ADAMTSL1: variants seen among roughly 807,000 people sequenced by gnomAD.
ADAMTSL1 encodes ADAMTS-like protein 1.
In ADAMTSL1, 126 loss-of-function variants were observed where a neutral mutation model predicts 201.8. The observed-to-expected ratio is 0.62, with a 90% CI of 0.54 to 0.72. The LOEUF is 0.72. Among genes scored for constraint, ADAMTSL1 ranks in the 30% least tolerant of loss-of-function variants. ADAMTSL1 has a pLI of 0.00. For synonymous variants in ADAMTSL1, 1,121 were observed against 903.4 expected (o/e 1.24, Z -4.32); for missense variants, 2,679 against 2,277.8 (o/e 1.18, Z -3.59).
At chr9:18,233,560 G>A (rs1265986165) in intron 2 of ADAMTSL1, among the ~76,000 whole-genome samples, 8 of 152,126 alleles carry the variant, frequency 5.3e-5, no homozygotes, top group African/African-American at 1.7e-4. Context: ...CAGTAAGCAA[G>A]GAAGACTCAT....
rs1830475557 is a variant in ADAMTSL1, at chr9:18,909,160, C to G, written c.*612C>G. The G allele has an allele frequency of 6.6e-6, 1 of 152,588 alleles. No homozygotes were observed. Among genetic ancestry groups the G allele is most frequent in the Non-Finnish European group, 1.5e-5 (1 of 68,416 alleles). 9.5% of individuals were successfully genotyped at this position (152,588 alleles called of 1,614,324 possible). On this transcript the variant is annotated 3_prime_UTR_variant, in exon 29 of 29. Coordinates refer to ENST00000380548, the MANE Select transcript of ADAMTSL1 (RefSeq NM_001040272.6). ...CAGTAGGGAGAGGTAAAAAAGCAAA[C>G]AAAGCAGGCTCTAAGGCACACAACA...
chr9:17,972,392 C>G (rs960938240), intron 1 of ADAMTSL1, among the ~76,000 whole-genome samples: 6 of 147,652 alleles, frequency 4.1e-5, no homozygotes, highest in Non-Finnish European at 8.9e-5. Context: ...CAATTTCCAC[C>G]TATGAGTGAG....
chr9:18,550,540 T>A (rs925214224), intron 3 of ADAMTSL1, among the ~76,000 whole-genome samples: 1 of 151,908 alleles, frequency 6.6e-6, no homozygotes, highest in Non-Finnish European at 1.5e-5. Context: ...GACATCTGTC[T>A]TAAAACCCCA....
chr9:17,979,075 A>G (rs1357484186), intron 1 of ADAMTSL1, among the ~76,000 whole-genome samples: 2 of 151,886 alleles, frequency 1.3e-5, no homozygotes, highest in African/African-American at 4.8e-5. Context: ...GCGTGTGACA[A>G]TCTCTTTTTT....
intron 14 of ADAMTSL1, chr9:18,718,041 G>A (rs774303221): frequency 2.2e-5 from 35 of 1,572,686 alleles, no homozygotes; most frequent in African/African-American, 6.8e-5. Context: ...TTAATCTGCC[G>A]CACTAGGTCA....
intron 1 of ADAMTSL1, among the ~76,000 whole-genome samples, chr9:18,101,905 G>T (rs1824541477): frequency 6.6e-6 from 1 of 152,174 alleles, no homozygotes; most frequent in Non-Finnish European, 1.5e-5. Context: ...TGGTGAGAAG[G>T]TTGGTTCTGT....
chr9:18,800,601 G>A (rs777679386), intron 20 of ADAMTSL1, among the ~76,000 whole-genome samples: 140 of 152,046 alleles, frequency 9.2e-4, no homozygotes, highest in Admixed American at 4.4e-3. Context: ...TAAAACTGAT[G>A]AGAGTATAGC....
At chr9:18,842,096 C>G (rs1455505952) in intron 23 of ADAMTSL1, among the ~76,000 whole-genome samples, 2 of 151,616 alleles carry the variant, frequency 1.3e-5, no homozygotes, top group East Asian at 3.9e-4. Context: ...AATGTGTTTG[C>G]TCTTGCTTTT....
At chr9:18,196,454 C>A (rs368513800) in intron 2 of ADAMTSL1, among the ~76,000 whole-genome samples, 4 of 151,924 alleles carry the variant, frequency 2.6e-5, no homozygotes, top group African/African-American at 9.7e-5. Flanking sequence ...TTGCAGCCAA[C>A]CAACCAGAGT....
At chr9:18,401,584 G>T (rs1331357884) in intron 2 of ADAMTSL1, among the ~76,000 whole-genome samples, 3 of 152,208 alleles carry the variant, frequency 2.0e-5, no homozygotes, top group Admixed American at 1.3e-4. Flanking sequence ...AGTGAGTTAA[G>T]GAACTAGGAC....
chr9:18,242,684 T>C (rs1293924042), intron 2 of ADAMTSL1, among the ~76,000 whole-genome samples: 1 of 152,058 alleles, frequency 6.6e-6, no homozygotes, highest in Non-Finnish European at 1.5e-5. Flanking sequence ...AATCAACATA[T>C]AAAAATCAGT....
At chr9:18,663,538 A>T (rs771531621) in intron 9 of ADAMTSL1, among the ~76,000 whole-genome samples, 11 of 152,130 alleles carry the variant, frequency 7.2e-5, no homozygotes, top group Non-Finnish European at 1.0e-4. Flanking sequence ...ATATATTTTT[A>T]TGCATAACTG....
At chr9:18,141,232 G>A (rs1587142560) in intron 1 of ADAMTSL1, among the ~76,000 whole-genome samples, 1 of 152,178 alleles carries the variant, frequency 6.6e-6, no homozygotes, top group Non-Finnish European at 1.5e-5. Flanking sequence ...GCTGAGCTCA[G>A]TGAGAAGGGG....
intron 2 of ADAMTSL1, among the ~76,000 whole-genome samples, chr9:18,186,123 C>T (rs1281375659): frequency 1.3e-5 from 2 of 152,102 alleles, no homozygotes; most frequent in Non-Finnish European, 2.9e-5. Context: ...ACAACCTGGC[C>T]TCTGCTTCCA....
At chr9:18,876,976 G>A (rs1392045095) in intron 23 of ADAMTSL1, among the ~76,000 whole-genome samples, 1 of 152,028 alleles carries the variant, frequency 6.6e-6, no homozygotes, top group Non-Finnish European at 1.5e-5. Context: ...GTCAGATTGG[G>A]TTAATTCAAA....
intron 1 of ADAMTSL1, among the ~76,000 whole-genome samples, chr9:18,096,123 G>T (rs1246199948): frequency 6.6e-6 from 1 of 152,036 alleles, no homozygotes. Context: ...AACAATACTA[G>T]TATTACCACT....
At chr9:18,615,198 C>A (rs1182764245) in intron 4 of ADAMTSL1, among the ~76,000 whole-genome samples, 6 of 152,238 alleles carry the variant, frequency 3.9e-5, no homozygotes, top group Admixed American at 2.0e-4. Flanking sequence ...ATATTGGAAA[C>A]CTTAGTTGTA....
intron 14 of ADAMTSL1, 66 bp downstream of exon 14, chr9:18,707,114 G>C: frequency 6.5e-7 from 1 of 1,533,636 alleles, no homozygotes; most frequent in Non-Finnish European, 8.8e-7. Context: ...TCTGCATGCA[G>C]CTGGATCATG....
At chr9:18,504,684 GA>G in intron 1 of ADAMTSL1, 144 bp from the exon 2 acceptor site, 1 of 1,183,884 alleles carries the variant, frequency 8.4e-7, no homozygotes, top group Non-Finnish European at 1.2e-6. Flanking sequence ...TTATGAAATG[GA>G]AAAGAATCCG....
Sources: allele counts gnomAD v4.1 joint callset (sites outside exome capture counted in the v4.1 genomes callset), GRCh38; gene constraint gnomAD v4.1.1; transcripts MANE v1.5; gene names NCBI Gene and HGNC (gene_info 2026-07-23, HGNC 2026-07-21).